HRH1: variants seen among roughly 807,000 people sequenced by gnomAD.
The protein encoded by HRH1 is histamine receptor H1, also known as histamine H1 receptor.
Under a neutral mutation model 10.3 loss-of-function variants are expected in HRH1, and 6 were observed. The observed-to-expected ratio is 0.58, with a 90% CI of 0.32 to 1.15. The LOEUF is 1.15. Among genes scored for constraint, HRH1 ranks in the 50% most tolerant of loss-of-function variants. The pLI is 0.05. For missense variants in HRH1, 514 were observed against 615.3 expected (o/e 0.84, Z 1.74); for synonymous variants, 242 against 236.7 (o/e 1.02, Z -0.21).
chr3:11,193,223 C>T (rs1937582160), intron 1 of HRH1, among the ~76,000 whole-genome samples: 1 of 152,202 alleles, frequency 6.6e-6, no homozygotes, highest in Non-Finnish European at 1.5e-5. Flanking sequence ...CAGGCTGATG[C>T]CTGCTCTTTT....
At chr3:11,210,797 GAAA>G (rs59390388) in intron 1 of HRH1, among the ~76,000 whole-genome samples, 2 of 135,336 alleles carry the variant, frequency 1.5e-5, no homozygotes, top group African/African-American at 2.8e-5. Flanking sequence ...TGTCTCAAAA[GAAA>G]AAAAAAAAAA....
intron 1 of HRH1, among the ~76,000 whole-genome samples, chr3:11,229,319 G>A (rs759707673): frequency 1.3e-5 from 2 of 151,768 alleles, no homozygotes; most frequent in Non-Finnish European, 2.9e-5. Context: ...AAGAACCTGG[G>A]GTGTTTGGGG....
chr3:11,160,881 A>G (rs1936908429), intron 1 of HRH1, among the ~76,000 whole-genome samples: 2 of 152,234 alleles, frequency 1.3e-5, no homozygotes, highest in Non-Finnish European at 2.9e-5. Context: ...TGGGTGATTG[A>G]GAAAGGTTTT....
intron 1 of HRH1, among the ~76,000 whole-genome samples, chr3:11,242,093 C>G (rs748485740): frequency 2.0e-5 from 3 of 152,152 alleles, no homozygotes; most frequent in Middle Eastern, 3.2e-3. Context: ...AGAGGCAATC[C>G]GCTTGGGTCA....
intron 1 of HRH1, among the ~76,000 whole-genome samples, chr3:11,158,045 G>A (rs897684309): frequency 1.3e-5 from 2 of 152,178 alleles, no homozygotes; most frequent in Admixed American, 6.5e-5. Context: ...GAATGTCTAC[G>A]GAATGGATGA....
chr3:11,243,460 T>C (rs557206776), intron 1 of HRH1, among the ~76,000 whole-genome samples: 11 of 152,306 alleles, frequency 7.2e-5, no homozygotes, highest in African/African-American at 1.9e-4. Flanking sequence ...CACAAGAAAG[T>C]TGATAAAAGA....
In HRH1 at chr3:11,226,975, T is replaced by A. The variant is rs573139063; in HGVS notation, c.-35-32028T>A. Among the ~76,000 whole-genome samples the A allele has an allele frequency of 9.2e-5, 14 of 152,232 alleles. No individual in the cohort carries two copies. The East Asian group carries it at 2.3e-3, about 25-fold the overall frequency. On this transcript the variant is annotated intron_variant, in intron 1 of 1. Coordinates refer to ENST00000431010, the MANE Select transcript of HRH1 (RefSeq NM_001098212.2). ...CACATGTGGGGCCAGGGTGCTTCTG[T>A]ATATCCTGACAACAGTGGCCAGCCA...
At chr3:11,201,947 G>C (rs1937927081) in intron 1 of HRH1, among the ~76,000 whole-genome samples, 1 of 152,220 alleles carries the variant, frequency 6.6e-6, no homozygotes, top group African/African-American at 2.4e-5. Context: ...TGGGCTGGCT[G>C]TCTCCACATA....
intron 1 of HRH1, among the ~76,000 whole-genome samples, chr3:11,213,101 A>G (rs1938380934): frequency 1.3e-5 from 2 of 152,240 alleles, no homozygotes; most frequent in Admixed American, 6.5e-5. Context: ...TTTCTTCCCC[A>G]TAGCATTTAT....
At chr3:11,201,112 G>A (rs1260846285) in intron 1 of HRH1, among the ~76,000 whole-genome samples, 1 of 152,180 alleles carries the variant, frequency 6.6e-6, no homozygotes, top group East Asian at 1.9e-4. Context: ...CCAGAGGCCC[G>A]CTGCTGCTTA....
At chr3:11,233,086 T>TG (rs1939085727) in intron 1 of HRH1, among the ~76,000 whole-genome samples, 1 of 152,214 alleles carries the variant, frequency 6.6e-6, no homozygotes, top group Non-Finnish European at 1.5e-5. Flanking sequence ...GATGTATATT[T>TG]GGGGGGCTTA....
intron 1 of HRH1, among the ~76,000 whole-genome samples, chr3:11,218,078 TA>T (rs1322110783): frequency 6.6e-6 from 1 of 152,170 alleles, no homozygotes; most frequent in Non-Finnish European, 1.5e-5. Flanking sequence ...CTCACAAATT[TA>T]AAAAGAATTA....
intron 1 of HRH1, among the ~76,000 whole-genome samples, chr3:11,215,254 A>G (rs1331405608): frequency 3.3e-5 from 5 of 152,206 alleles, no homozygotes; most frequent in African/African-American, 1.2e-4. Flanking sequence ...TTTTGCACTC[A>G]TATTTCACCT....
In HRH1 at chr3:11,180,887, G is replaced by A. The variant is rs547119499; in HGVS notation, c.-36+26333G>A. 4.8e-5 allele frequency among the ~76,000 whole-genome samples: 7 copies of A among 146,310 alleles called. No individual in the cohort carries two copies. The South Asian group carries it at 1.5e-3, about 32-fold the overall frequency. ...ATATTTGGATTGTTTCTACTTTTTG[G>A]CTATTATAAATAATGCTGCTATGAA... On this transcript the variant is annotated intron_variant, in intron 1 of 1. Transcript: ENST00000431010.
chr3:11,221,411 C>T (rs1938706393), intron 1 of HRH1, among the ~76,000 whole-genome samples: 1 of 151,824 alleles, frequency 6.6e-6, no homozygotes, highest in Middle Eastern at 3.4e-3. Context: ...AAAAATTAGC[C>T]GGCCATGGCA....
chr3:11,169,497 G>A (rs981986707), intron 1 of HRH1, among the ~76,000 whole-genome samples: 3 of 152,114 alleles, frequency 2.0e-5, no homozygotes, highest in African/African-American at 7.2e-5. Flanking sequence ...ATAACAGGGA[G>A]GGCTCAGAGC....
chr3:11,179,093 G>C (rs1174383520), intron 1 of HRH1, among the ~76,000 whole-genome samples: 3 of 152,132 alleles, frequency 2.0e-5, no homozygotes, highest in Non-Finnish European at 4.4e-5. Context: ...TTCAAGACCA[G>C]CCTGGCCAAC....
chr3:11,236,004 C>T (rs1401130156), intron 1 of HRH1, among the ~76,000 whole-genome samples: 2 of 152,148 alleles, frequency 1.3e-5, no homozygotes, highest in Admixed American at 6.5e-5. Flanking sequence ...CATTGGGCCC[C>T]AATGTTCCTC....
At chr3:11,231,921 C>A (rs141659367) in intron 1 of HRH1, among the ~76,000 whole-genome samples, 2 of 151,514 alleles carry the variant, frequency 1.3e-5, no homozygotes, top group Non-Finnish European at 2.9e-5. Flanking sequence ...CTGAAGATTT[C>A]CTCTAATGTG....
Sources: gnomAD v4.1 joint callset for allele counts (sites outside exome capture counted in the v4.1 genomes callset) on GRCh38, gnomAD v4.1.1 for gene constraint, MANE v1.5 for transcripts, NCBI Gene and HGNC (gene_info 2026-07-23, HGNC 2026-07-21) for gene names.